TPO: variants seen among roughly 807,000 people sequenced by gnomAD.
The protein encoded by TPO is thyroid peroxidase.
TPO carries 78 observed loss-of-function variants against 96.9 expected under a neutral mutation model. That is an observed-to-expected ratio of 0.81 (90% CI 0.67 to 0.97). The LOEUF (loss-of-function observed/expected upper bound fraction) is 0.97. TPO is among the 50% of genes least tolerant of loss of function. TPO has a pLI of 0.00. For missense variants in TPO, 1,252 were observed against 1,274.8 expected, an observed-to-expected ratio of 0.98 and a Z score of 0.27; for synonymous variants, 547 against 538.0, an observed-to-expected ratio of 1.02 and a Z score of -0.23.
Position 1,540,625 on chromosome 2 carries a change from A to T in TPO, c.2650A>T (p.Ile884Phe). 1 of 1,613,538 alleles carries T rather than the reference A, an allele frequency of 6.2e-7. No individual in the cohort carries two copies. The highest frequency in any genetic ancestry group is 8.5e-7 in the Non-Finnish European group (1 of 1,180,016). The change falls in exon 16 of 17, where the codon ATC becomes TTC. Residue 884 changes from isoleucine to phenylalanine, a missense_variant. Physicochemically the swap from Ile to Phe is conservative, Grantham distance 21. Coordinates refer to ENST00000329066, the MANE Select transcript of TPO (RefSeq NM_001206744.2). ...TRTGTKSTLP[I>F]SETGGGTPEL... ...CACTGGCACTAAATCCACACTGCCCATCTCGGAGACAGGCGGAGGAACTCC... is the reference window on the plus strand; with the variant it reads ...CACTGGCACTAAATCCACACTGCCCTTCTCGGAGACAGGCGGAGGAACTCC...
Position 1,529,166 on chromosome 2 carries a change from C to G in TPO, c.2619-11428C>G, listed in dbSNP as rs1351693787. ...CTGTGTGCAACCTCCCTGAATCCCC[C>G]CACTGTGTGCAGCCTCTCCAAATCC... On this transcript the variant is annotated intron_variant, in intron 15 of 16. Coordinates refer to ENST00000329066, the MANE Select transcript of TPO (RefSeq NM_001206744.2). Among the ~76,000 whole-genome samples the G allele has an allele frequency of 3.7e-5, 4 of 109,152 alleles. No homozygotes were observed. In the Admixed American group the frequency reaches 3.8e-4, roughly 10 times the overall value. 71.6% of individuals were successfully genotyped at this position (109,152 alleles called of 152,430 possible). A position where few individuals can be genotyped will look rare whatever the true frequency, so the allele number is the denominator to read the frequency against.
In TPO at chr2:1,400,152, C is replaced by T. The variant is rs139876981; in HGVS notation, n.180+25750C>T. On this transcript the variant is annotated intron_variant and non_coding_transcript_variant, in intron 1 of 5. Transcript: ENST00000497517. ...TATTATCAAAGATAGGGGAGAGGCT[C>T]CTAGGTTATAAAAAAATACTTGAAG... 3.3e-3 allele frequency among the ~76,000 whole-genome samples: 495 copies of T among 152,200 alleles called. 3 individuals are homozygous for T. The highest frequency in any genetic ancestry group is 5.1e-3 in the Non-Finnish European group (346 of 68,018).
In TPO at chr2:1,456,215, C is replaced by G; in HGVS notation, c.752C>G (p.Ala251Gly). 4 of 1,614,166 alleles carry G rather than the reference C, an allele frequency of 2.5e-6. No individual in the cohort carries two copies. Among genetic ancestry groups the G allele is most frequent in the Non-Finnish European group, 3.4e-6 (4 of 1,180,046 alleles). Residue 251 changes from alanine to glycine, a missense_variant, in exon 7 of 17, where the codon GCT (alanine) becomes GGT (glycine). By Grantham distance (60) the Ala-to-Gly change is moderately conservative (BLOSUM62 0). Transcript: ENST00000329066. ...IAFTPQSTSK[A>G]AFGGGADCQM... ...TTCACACCACAGAGCACCAGCAAAG[C>G]TGCCTTCGGGGGAGGGGCTGACTGC...
At chr2:1,479,368 C>T (rs1267688403) in intron 8 of TPO, among the ~76,000 whole-genome samples, 1 of 152,220 alleles carries the variant, frequency 6.6e-6, no homozygotes, top group Non-Finnish European at 1.5e-5. Flanking sequence ...CAGGTTGCTT[C>T]ATAAATATAT....
At chr2:1,528,006 G>GAACCTCCTCAAATCCTCCCACTATGTGC (rs1558414965) in intron 15 of TPO, among the ~76,000 whole-genome samples, 1 of 106,160 alleles carries the variant, frequency 9.4e-6, no homozygotes, top group African/African-American at 4.2e-5. Flanking sequence ...CCAATGTGAG[G>GAACCTCCTCAAATCCTCCCACTATGTGC]AACCTCCTCA....
intron 7 of TPO, among the ~76,000 whole-genome samples, chr2:1,473,460 T>C (rs1483181673): frequency 6.6e-6 from 1 of 152,176 alleles, no homozygotes; most frequent in Non-Finnish European, 1.5e-5. Flanking sequence ...TTATAGTATA[T>C]CCTATTATCT....
intron 1 of TPO, among the ~76,000 whole-genome samples, chr2:1,406,954 T>C (rs572215640): frequency 1.3e-5 from 2 of 152,292 alleles, no homozygotes; most frequent in South Asian, 4.1e-4. Context: ...TTCATAAATG[T>C]ATTATGTGCA....
intron 1 of TPO, among the ~76,000 whole-genome samples, chr2:1,396,962 A>T (rs1272004538): frequency 2.0e-5 from 3 of 152,198 alleles, no homozygotes; most frequent in Admixed American, 6.5e-5. Context: ...ACATCAGCAT[A>T]CTTGTTTTCA....
Position 1,432,216 on chromosome 2 carries a change from T to C in TPO, c.180-1222T>C, listed in dbSNP as rs1665048415. Among the ~76,000 whole-genome samples, 4 of 152,256 alleles carry C rather than the reference T, an allele frequency of 2.6e-5. No individual in the cohort carries two copies. In the South Asian group the frequency reaches 8.3e-4, roughly 31 times the overall value. Reference sequence around the variant, plus strand: ...TGACTCAACATTCAGACAAGAAGGATGGTGAACTTGATGTAGTCCTCCCTT... The same window carrying C: ...TGACTCAACATTCAGACAAGAAGGACGGTGAACTTGATGTAGTCCTCCCTT... On this transcript the variant is annotated intron_variant, in intron 3 of 16. Coordinates refer to ENST00000329066, the MANE Select transcript of TPO (RefSeq NM_001206744.2).
At chr2:1,540,270 T>C (rs1322342323) in intron 15 of TPO, among the ~76,000 whole-genome samples, 1 of 152,184 alleles carries the variant, frequency 6.6e-6, no homozygotes, top group Non-Finnish European at 1.5e-5. Context: ...ATGCGTCTCT[T>C]GGCAGTGACT....
chr2:1,484,510 A>C (rs759857727), intron 8 of TPO, 86 bp from the exon 9 acceptor site: 16 of 1,564,532 alleles, frequency 1.0e-5, no homozygotes, highest in Admixed American at 1.7e-5. Context: ...GGGGCTGTCA[A>C]GGAAGATGCT....
chr2:1,440,811 GTA>G (rs1264963869), intron 5 of TPO, among the ~76,000 whole-genome samples: 1 of 152,046 alleles, frequency 6.6e-6, no homozygotes, highest in African/African-American at 2.4e-5. Context: ...TTTTTATGGT[GTA>G]GTCATTGCCG....
chr2:1,484,537 C>T (rs984827784), intron 8 of TPO, 59 bp from the exon 9 acceptor site: 137 of 1,611,126 alleles, frequency 8.5e-5, no homozygotes, highest in Admixed American at 4.5e-4. Context: ...CACTGCCGCT[C>T]GAGGCGACCC....
chr2:1,385,788 T>C (rs908457140), intron 1 of TPO, among the ~76,000 whole-genome samples: 12 of 152,184 alleles, frequency 7.9e-5, no homozygotes, highest in Admixed American at 7.9e-4. Flanking sequence ...CTTCTCTAGT[T>C]CTTTTAATTG....
intron 7 of TPO, among the ~76,000 whole-genome samples, chr2:1,461,591 G>A (rs1573290263): frequency 1.3e-5 from 2 of 152,188 alleles, no homozygotes; most frequent in South Asian, 2.1e-4. Flanking sequence ...TGCCCCACCG[G>A]GCATAAATAT....
chr2:1,527,598 A>C (rs1380994778), intron 15 of TPO, among the ~76,000 whole-genome samples: 1 of 131,676 alleles, frequency 7.6e-6, no homozygotes, highest in Non-Finnish European at 1.6e-5. Flanking sequence ...CATCCCCACC[A>C]CTCTGTGCAA....
intron 5 of TPO, among the ~76,000 whole-genome samples, chr2:1,443,629 AC>A (rs1409773640): frequency 9.8e-5 from 14 of 142,952 alleles, no homozygotes; most frequent in African/African-American, 3.7e-4. Flanking sequence ...TTGGAAGGGA[AC>A]GGGGCAGGCT....
chr2:1,477,753 C>G, intron 8 of TPO, 149 bp downstream of exon 8: 1 of 1,368,402 alleles, frequency 7.3e-7, no homozygotes, highest in Admixed American at 3.4e-5. Context: ...TCGTGGGGCC[C>G]TGTGTGGGTG....
At chr2:1,496,813 A>C in intron 13 of TPO, 48 bp downstream of exon 13, 1 of 1,613,292 alleles carries the variant, frequency 6.2e-7, no homozygotes, top group Non-Finnish European at 8.5e-7. Context: ...AATGTTTCCG[A>C]TATAAGTTAA....
Sources: allele counts gnomAD v4.1 joint callset (sites outside exome capture counted in the v4.1 genomes callset), GRCh38; gene constraint gnomAD v4.1.1; transcripts MANE v1.5; gene names NCBI Gene and HGNC (gene_info 2026-07-23, HGNC 2026-07-21).